UBE3A: variants seen among roughly 807,000 people sequenced by gnomAD.
UBE3A encodes the protein ubiquitin-protein ligase E3A.
Under a neutral mutation model 83.4 loss-of-function variants are expected in UBE3A, and 6 were observed. The observed-to-expected ratio is 0.07, with a 90% CI of 0.04 to 0.14. The LOEUF is 0.14. Among genes scored for constraint, UBE3A ranks in the 10% least tolerant of loss-of-function variants. The pLI, the probability that UBE3A is intolerant of heterozygous loss-of-function variation, is 1.00. For missense variants in UBE3A, 456 were observed against 1,036.1 expected (o/e 0.44, Z 7.69); for synonymous variants, 337 against 355.4 (o/e 0.95, Z 0.58).
chr15:25,340,329 T>C, intron 11 of UBE3A, 101 bp from the exon 12 acceptor site: 2 of 1,390,178 alleles, frequency 1.4e-6, no homozygotes, highest in Admixed American at 1.7e-5. Context: ...AAGAGACAAC[T>C]TGGAAGTTAA....
intron 1 of UBE3A, among the ~76,000 whole-genome samples, chr15:25,430,856 C>T (rs1893244110): frequency 6.6e-6 from 1 of 152,140 alleles, no homozygotes; most frequent in African/African-American, 2.4e-5. Flanking sequence ...TTTAAATTCA[C>T]TCCCCCAGCC....
intron 7 of UBE3A, among the ~76,000 whole-genome samples, chr15:25,359,096 C>T (rs2077631554): frequency 6.6e-6 from 1 of 152,122 alleles, no homozygotes; most frequent in Non-Finnish European, 1.5e-5. Context: ...GCACCATAAC[C>T]TCCTGGTAAA....
At chr15:25,384,000 A>G (rs2082644173) in intron 4 of UBE3A, among the ~76,000 whole-genome samples, 2 of 152,234 alleles carry the variant, frequency 1.3e-5, no homozygotes, top group Admixed American at 1.3e-4. Flanking sequence ...GTAAAGTTAC[A>G]GGATATAAAA....
At chr15:25,364,645 G>GTTT (rs759514427) in intron 6 of UBE3A, among the ~76,000 whole-genome samples, 1,115 of 97,602 alleles carry the variant, frequency 0.011, 14 homozygotes, top group Middle Eastern at 0.058. Flanking sequence ...TTTTTTGTTT[G>GTTT]TTTTTTTTTT....
chr15:25,437,850 AG>A (rs571132075), intron 1 of UBE3A, among the ~76,000 whole-genome samples: 4 of 151,466 alleles, frequency 2.6e-5, no homozygotes, highest in Non-Finnish European at 2.9e-5. Flanking sequence ...TACACTGAAA[AG>A]GGGGGGGAAA....
At chr15:25,398,771 T>TTATTTATA (rs1393685515) in intron 4 of UBE3A, among the ~76,000 whole-genome samples, 13 of 68,938 alleles carry the variant, frequency 1.9e-4, no homozygotes, top group Admixed American at 3.7e-4. Flanking sequence ...ATTCTTTTAT[T>TTATTTATA]TATATATATA....
chr15:25,342,046 AAAG>A (rs1216496857), intron 11 of UBE3A, among the ~76,000 whole-genome samples: 1 of 152,152 alleles, frequency 6.6e-6, no homozygotes, highest in African/African-American at 2.4e-5. Context: ...AGAAAACAAA[AAAG>A]AAACACACAA....
At chr15:25,366,254 T>C (rs2079084918) in intron 6 of UBE3A, among the ~76,000 whole-genome samples, 1 of 152,238 alleles carries the variant, frequency 6.6e-6, no homozygotes, top group South Asian at 2.1e-4. Flanking sequence ...ATAGTGTATG[T>C]GTAAGACAAA....
chr15:25,400,782 G>T (rs958812985), intron 4 of UBE3A, among the ~76,000 whole-genome samples: 8 of 152,052 alleles, frequency 5.3e-5, no homozygotes, highest in Non-Finnish European at 1.0e-4. Flanking sequence ...TTTCCTACTG[G>T]GATGCCTTTT....
chr15:25,410,449 C>T lies in UBE3A; in HGVS notation c.-100-1242G>A, dbSNP rs184265860. Among the ~76,000 whole-genome samples, 10 of 152,222 alleles carry T rather than the reference C, an allele frequency of 6.6e-5. No homozygotes were observed. The East Asian group carries it at 1.2e-3, about 18-fold the overall frequency. On this transcript the variant is annotated intron_variant, in intron 2 of 12. Coordinates refer to ENST00000648336, the MANE Select transcript of UBE3A (RefSeq NM_130839.5). ...TTGTGCAACTAGTTCTTTCCCCTCA[C>T]GATTCCCCTATCCAGGCCAAATCTG... is the stretch of plus-strand genomic sequence containing the variant.
chr15:25,388,178 CAT>C (rs1487583757), intron 4 of UBE3A, among the ~76,000 whole-genome samples: 2 of 152,096 alleles, frequency 1.3e-5, no homozygotes, highest in African/African-American at 4.8e-5. Flanking sequence ...ACTACAGACC[CAT>C]ATTTGTCATG....
chr15:25,360,600 G>C, intron 6 of UBE3A, 73 bp from the exon 7 acceptor site: 1 of 1,538,946 alleles, frequency 6.5e-7, no homozygotes, highest in Non-Finnish European at 8.8e-7. Flanking sequence ...TAAAAACAAG[G>C]AGTAGGATTA....
chr15:25,419,599 A>G (rs1204964150), intron 1 of UBE3A: 1 of 152,148 alleles, frequency 6.6e-6, no homozygotes, highest in Non-Finnish European at 1.5e-5. Context: ...AAATAAATAA[A>G]AATGGTAAAT....
At chr15:25,389,928 T>C (rs2083949098) in intron 4 of UBE3A, among the ~76,000 whole-genome samples, 1 of 151,702 alleles carries the variant, frequency 6.6e-6, no homozygotes, top group Non-Finnish European at 1.5e-5. Context: ...ACAGAGACAG[T>C]GTAAGGAACT....
intron 1 of UBE3A, chr15:25,415,682 AT>A (rs1273304825): frequency 1.3e-5 from 2 of 152,114 alleles, no homozygotes; most frequent in East Asian, 3.9e-4. Context: ...TAATTTATTA[AT>A]TTCTCCTTAT....
In UBE3A at chr15:25,366,508, T is replaced by A. The variant is rs142200539; in HGVS notation, c.1608+4058A>T. On this transcript the variant is annotated intron_variant, in intron 6 of 12. Coordinates refer to ENST00000648336, the MANE Select transcript of UBE3A (RefSeq NM_130839.5). The stretch of plus-strand genomic sequence containing the variant: ...TAGTGGGGCTTTTTATCTGTGCCAA[T>A]CACCTTTATCTGTGCTAATTCCTAT... Among the ~76,000 whole-genome samples the A allele has an allele frequency of 8.5e-5, 13 of 152,252 alleles. 1 individual carries two copies. The highest frequency in any genetic ancestry group is 2.6e-4 in the African/African-American group (11 of 41,554).
rs2074054316 is a variant in UBE3A, at chr15:25,337,650, A to C, written c.*1487T>G. On this transcript the variant is annotated 3_prime_UTR_variant, in exon 13 of 13. Coordinates refer to ENST00000648336, the MANE Select transcript of UBE3A (RefSeq NM_130839.5). ...CCTGCCAATTTCAAACAAACAAATC[A>C]TCAGGTTGATCTACAGTAATCAGTT... 1 of 152,148 alleles carries C rather than the reference A, an allele frequency of 6.6e-6. No individual in the cohort carries two copies. Among genetic ancestry groups the C allele is most frequent in the Admixed American group, 6.5e-5 (1 of 15,274 alleles). 9.4% of individuals were successfully genotyped at this position (152,148 alleles called of 1,614,324 possible).
intron 1 of UBE3A, among the ~76,000 whole-genome samples, chr15:25,414,386 C>T (rs145376333): frequency 1.3e-4 from 20 of 152,200 alleles, no homozygotes; most frequent in Non-Finnish European, 2.4e-4. Flanking sequence ...GGTAGAAAAA[C>T]TAGACATAAT....
At chr15:25,354,505 T>G in intron 10 of UBE3A, 23 bp downstream of exon 10, 2 of 1,613,978 alleles carry the variant, frequency 1.2e-6, no homozygotes, top group Non-Finnish European at 1.7e-6. Context: ...TACATGACTT[T>G]TTGCAGACAC....
Sources: gnomAD v4.1 joint callset for allele counts (sites outside exome capture counted in the v4.1 genomes callset) on GRCh38, gnomAD v4.1.1 for gene constraint, MANE v1.5 for transcripts, NCBI Gene and HGNC (gene_info 2026-07-23, HGNC 2026-07-21) for gene names.